Variants in PCDH15 observed in about 807,000 individuals in gnomAD.
PCDH15 encodes protocadherin related 15.
PCDH15 carries 129 observed loss-of-function variants against 178.5 expected under a neutral mutation model. The ratio of observed to expected loss-of-function variants is 0.72; its 90% CI spans 0.63 to 0.84. The LOEUF (loss-of-function observed/expected upper bound fraction) is 0.84, where lower values mean the gene tolerates loss of function less well. PCDH15 is among the 40% of genes least tolerant of loss of function. The pLI, the probability that PCDH15 is intolerant of heterozygous loss-of-function variation, is 0.00. For synonymous variants in PCDH15, 800 were observed against 732.0 expected (o/e 1.09, Z -1.50); for missense variants, 2,230 against 2,099.9 (o/e 1.06, Z -1.21).
rs2075829073 is a variant in PCDH15, at chr10:53,810,600, C to T, written c.4627G>A (p.Gly1543Ser). The T allele has an allele frequency of 6.2e-7, 1 of 1,613,728 alleles. No individual in the cohort carries two copies. Among genetic ancestry groups the T allele is most frequent in the African/African-American group, 1.3e-5 (1 of 74,908 alleles). Reference sequence around the variant, plus strand: ...TCCTCAGCTTCACCAACCACCTCACCATATTCCTCCTGTCCAGCTGGTGGT... The same window carrying T: ...TCCTCAGCTTCACCAACCACCTCACTATATTCCTCCTGTCCAGCTGGTGGT... ...LLPPAGQEEY[G>S]EVVGEAEEEY... The change falls in exon 37 of 38, where the codon GGT becomes AGT. Residue 1543 changes from glycine to serine, a missense_variant. Physicochemically the swap from Gly to Ser is moderately conservative, Grantham distance 56. Transcript: ENST00000644397.
At chr10:55,625,747 C>T (rs556370149) in intron 2 of PCDH15, among the ~76,000 whole-genome samples, 4 of 152,100 alleles carry the variant, frequency 2.6e-5, no homozygotes, top group African/African-American at 9.7e-5. Flanking sequence ...GGTTGATTTC[C>T]GCTGAAGATA....
At chr10:54,722,210 A>G (rs1591282740) in intron 1 of PCDH15, among the ~76,000 whole-genome samples, 2 of 151,828 alleles carry the variant, frequency 1.3e-5, no homozygotes, top group Non-Finnish European at 2.9e-5. Flanking sequence ...ATTGAGAAAC[A>G]TACCTCAATA....
At chr10:55,586,610 TTAGA>T (rs1842731288) in intron 2 of PCDH15, among the ~76,000 whole-genome samples, 1 of 152,158 alleles carries the variant, frequency 6.6e-6, no homozygotes, top group South Asian at 2.1e-4. Flanking sequence ...ATCTTTCTAA[TTAGA>T]TAAAGGGGCA....
chr10:54,407,818 G>A (rs369515079), intron 3 of PCDH15, among the ~76,000 whole-genome samples: 2 of 152,104 alleles, frequency 1.3e-5, no homozygotes, highest in East Asian at 3.9e-4. Context: ...CACTTTGGGA[G>A]GATAAGGCGG....
intron 2 of PCDH15, among the ~76,000 whole-genome samples, chr10:55,028,789 A>G (rs893320398): frequency 3.9e-5 from 6 of 152,022 alleles, no homozygotes; most frequent in Admixed American, 1.3e-4. Context: ...TGTAAGCTAC[A>G]CGAAACTTTT....
intron 8 of PCDH15, among the ~76,000 whole-genome samples, chr10:54,278,966 A>G (rs932688738): frequency 6.6e-6 from 1 of 151,488 alleles, no homozygotes; most frequent in African/African-American, 2.4e-5. Flanking sequence ...AGTATACATG[A>G]TATTATACAA....
At chr10:54,050,757 C>A (rs1020291344) in intron 18 of PCDH15, among the ~76,000 whole-genome samples, 3 of 152,070 alleles carry the variant, frequency 2.0e-5, no homozygotes, top group African/African-American at 7.2e-5. Context: ...CGCTGAGATT[C>A]TGGTGTTGTA....
chr10:54,400,333 A>G (rs1951775057), intron 3 of PCDH15, among the ~76,000 whole-genome samples: 1 of 152,142 alleles, frequency 6.6e-6, no homozygotes, highest in Non-Finnish European at 1.5e-5. Flanking sequence ...AATCAAAATC[A>G]TGAAGGTGGA....
chr10:54,654,870 A>T (rs746028701), intron 2 of PCDH15: 1 of 152,124 alleles, frequency 6.6e-6, no homozygotes, highest in Non-Finnish European at 1.5e-5. Flanking sequence ...CATTGCCTGG[A>T]CTCTGAATTA....
chr10:54,720,623 G>T (rs1941434545), intron 1 of PCDH15, among the ~76,000 whole-genome samples: 1 of 151,926 alleles, frequency 6.6e-6, no homozygotes, highest in African/African-American at 2.4e-5. Flanking sequence ...ATTACTACCA[G>T]ATCACCTTAC....
intron 2 of PCDH15, among the ~76,000 whole-genome samples, chr10:55,385,693 C>CAATA (rs71461296): frequency 2.3e-5 from 3 of 128,766 alleles, no homozygotes; most frequent in Non-Finnish European, 3.3e-5. Context: ...CTTCCTCTGC[C>CAATA]TATATATATA....
Position 54,148,497 on chromosome 10 carries a change from G to A in PCDH15, c.1784+4603C>T, listed in dbSNP as rs199873404. Among the ~76,000 whole-genome samples, 13 of 152,026 alleles carry A rather than the reference G, an allele frequency of 8.6e-5. No individual in the cohort carries two copies. The East Asian group carries it at 2.1e-3, about 25-fold the overall frequency. ...GAGAATAATGACAAAAAAAGTCTGC[G>A]CATGTTCAGTACAGATGTAATGTTC... is the stretch of plus-strand genomic sequence containing the variant. On this transcript the variant is annotated intron_variant, in intron 14 of 37. Coordinates refer to ENST00000644397, the MANE Select transcript of PCDH15 (RefSeq NM_001384140.1).
At chr10:55,482,671 T>G (rs1840208387) in intron 2 of PCDH15, among the ~76,000 whole-genome samples, 1 of 151,888 alleles carries the variant, frequency 6.6e-6, no homozygotes, top group African/African-American at 2.4e-5. Context: ...TTGTAGGATT[T>G]CCACTGAGAT....
At chr10:54,153,431 G>GT in intron 13 of PCDH15, 138 bp from the exon 14 acceptor site, 1 of 855,684 alleles carries the variant, frequency 1.2e-6, no homozygotes, top group Non-Finnish European at 1.8e-6. Flanking sequence ...ACTGTTTTTT[G>GT]TTTTTTGTTT....
chr10:55,208,564 T>C (rs2132167544), intron 1 of PCDH15, among the ~76,000 whole-genome samples: 1 of 152,136 alleles, frequency 6.6e-6, no homozygotes, highest in Non-Finnish European at 1.5e-5. Context: ...TTTCCCAATA[T>C]TGGGAAAAAG....
intron 2 of PCDH15, among the ~76,000 whole-genome samples, chr10:55,075,553 C>A (rs950772672): frequency 5.3e-5 from 8 of 151,476 alleles, no homozygotes. Flanking sequence ...TTAGTAGAGA[C>A]GGGGTTTCAC....
At chr10:54,027,510 T>C (rs537444008) in intron 18 of PCDH15, among the ~76,000 whole-genome samples, 30 of 151,158 alleles carry the variant, frequency 2.0e-4, no homozygotes, top group African/African-American at 7.4e-4. Context: ...AGAACAAAGC[T>C]GGAGGCATCA....
At chr10:54,171,357 AG>A (rs1391638333) in intron 13 of PCDH15, among the ~76,000 whole-genome samples, 4 of 152,168 alleles carry the variant, frequency 2.6e-5, no homozygotes, top group Non-Finnish European at 5.9e-5. Flanking sequence ...TTCCCTTCTC[AG>A]AATTCAGGCC....
intron 1 of PCDH15, among the ~76,000 whole-genome samples, chr10:54,775,635 C>G (rs1221554146): frequency 6.6e-6 from 1 of 152,126 alleles, no homozygotes; most frequent in Non-Finnish European, 1.5e-5. Flanking sequence ...CGGTGGCTCA[C>G]GCTTGTAATC....
Sources: allele counts gnomAD v4.1 joint callset (sites outside exome capture counted in the v4.1 genomes callset), GRCh38; gene constraint gnomAD v4.1.1; transcripts MANE v1.5; gene names NCBI Gene and HGNC (gene_info 2026-07-23, HGNC 2026-07-21).